The following WDFY2 variants were observed in gnomAD, a reference collection of about 807,000 sequenced individuals.
WDFY2 encodes WD repeat and FYVE domain containing 2.
WDFY2 carries 36 observed loss-of-function variants against 56.4 expected under a neutral mutation model. That is an observed-to-expected ratio of 0.64 (90% confidence interval 0.49 to 0.84). The LOEUF (loss-of-function observed/expected upper bound fraction) is 0.84. WDFY2 is among the 40% of genes least tolerant of loss of function. The pLI is 0.00. For synonymous variants in WDFY2, 176 were observed against 183.7 expected (o/e 0.96, Z 0.34); for missense variants, 444 against 512.2 (o/e 0.87, Z 1.29).
chr13:51,685,015 A>G (rs139784207), intron 3 of WDFY2, among the ~76,000 whole-genome samples: 13 of 152,270 alleles, frequency 8.5e-5, no homozygotes, highest in African/African-American at 3.1e-4. Context: ...CACCTGTCAC[A>G]ACTTTCCCAC....
chr13:51,729,998 C>T (rs934414733), intron 6 of WDFY2, among the ~76,000 whole-genome samples: 7 of 152,146 alleles, frequency 4.6e-5, no homozygotes, highest in African/African-American at 9.7e-5. Context: ...CCTCGGCCCC[C>T]CAGTCCCTGG....
At position 51,751,417 on chromosome 13, in the gene WDFY2, T is replaced by C. The variant is rs78760921; in HGVS notation, c.831+2T>C. The C allele has an allele frequency of 1.2e-6, 2 of 1,613,484 alleles. No homozygotes were observed. On this transcript the variant is annotated splice_donor_variant, in intron 8 of 11. Coordinates refer to ENST00000298125, the MANE Select transcript of WDFY2 (RefSeq NM_052950.4). LOFTEE classifies it high-confidence loss of function. Reference sequence around the variant, plus strand: ...AACATGGACGTGGAGAGGCAGGAGGTAGGTGGCACAGCAGGGTGGGGTGGG... The same window carrying C: ...AACATGGACGTGGAGAGGCAGGAGGCAGGTGGCACAGCAGGGTGGGGTGGG...
chr13:51,751,286 A>AATATAT, intron 7 of WDFY2, 24 bp from the exon 8 acceptor site: 1 of 1,608,944 alleles, frequency 6.2e-7, no homozygotes, highest in Non-Finnish European at 8.5e-7. Flanking sequence ...CTAAACTGTC[A>AATATAT]ATAACCCTTG....
chr13:51,730,945 A>G (rs1317453105), intron 6 of WDFY2, among the ~76,000 whole-genome samples: 1 of 152,228 alleles, frequency 6.6e-6, no homozygotes, highest in East Asian at 1.9e-4. Flanking sequence ...CATGCTGGGC[A>G]TATCCAGTGG....
At chr13:51,725,238 C>T (rs1952579071) in intron 5 of WDFY2, among the ~76,000 whole-genome samples, 1 of 152,122 alleles carries the variant, frequency 6.6e-6, no homozygotes, top group Non-Finnish European at 1.5e-5. Context: ...AAATAATGAG[C>T]AATACTAAAT....
rs1953775777 is a variant in WDFY2 at position 51,767,141 on chromosome 13, A to G, written c.*7372A>G. The G allele has an allele frequency of 6.6e-6, 1 of 152,242 alleles. No individual in the cohort carries two copies. The highest frequency in any genetic ancestry group is 2.1e-4 in the South Asian group (1 of 4,834). 9.4% of individuals were successfully genotyped at this position (152,242 alleles called of 1,614,324 possible). The stretch of plus-strand genomic sequence containing the variant: ...AAAACTTGTGAGGTTCATTTTATGG[A>G]GAAGAAAAATAGGTGCAAAGGCACC... On this transcript the variant is annotated 3_prime_UTR_variant, in exon 12 of 12. Coordinates refer to ENST00000298125, the MANE Select transcript of WDFY2 (RefSeq NM_052950.4).
chr13:51,722,795 G>A (rs1053688214), intron 5 of WDFY2, among the ~76,000 whole-genome samples: 11 of 152,162 alleles, frequency 7.2e-5, no homozygotes, highest in African/African-American at 2.4e-4. Context: ...AAGACCCCAT[G>A]GCAGGTAGAT....
chr13:51,756,196 T>C (rs1953375011), intron 9 of WDFY2, 136 bp from the exon 10 acceptor site: 21 of 1,287,962 alleles, frequency 1.6e-5, no homozygotes. Context: ...GTGTTCCCTT[T>C]AGTTCTGGGG....
chr13:51,695,813 A>C (rs1331463968), intron 3 of WDFY2, among the ~76,000 whole-genome samples: 1 of 152,096 alleles, frequency 6.6e-6, no homozygotes, highest in African/African-American at 2.4e-5. Flanking sequence ...GGCCTCCTTG[A>C]GCTGTGGTGG....
intron 2 of WDFY2, among the ~76,000 whole-genome samples, chr13:51,663,898 A>G (rs1278653150): frequency 1.3e-5 from 2 of 152,228 alleles, no homozygotes; most frequent in African/African-American, 4.8e-5. Context: ...TTCCAAGTAC[A>G]GAAGAAAATA....
intron 1 of WDFY2, among the ~76,000 whole-genome samples, chr13:51,629,641 A>T (rs1954912109): frequency 6.6e-6 from 1 of 152,156 alleles, no homozygotes; most frequent in Admixed American, 6.5e-5. Flanking sequence ...TTTATACAAA[A>T]CTACTGTGTG....
At chr13:51,697,505 T>C (rs1166124497) in intron 3 of WDFY2, among the ~76,000 whole-genome samples, 2 of 151,880 alleles carry the variant, frequency 1.3e-5, no homozygotes, top group African/African-American at 4.8e-5. Context: ...TGGTGGCTTG[T>C]GCCTGTAGTC....
At chr13:51,717,571 G>C (rs1450583720) in intron 4 of WDFY2, among the ~76,000 whole-genome samples, 2 of 151,942 alleles carry the variant, frequency 1.3e-5, no homozygotes, top group South Asian at 2.1e-4. Flanking sequence ...AGAGGGGTGA[G>C]GTGTTAGGGG....
intron 4 of WDFY2, among the ~76,000 whole-genome samples, chr13:51,716,942 T>C (rs532536961): frequency 2.6e-5 from 4 of 152,292 alleles, no homozygotes; most frequent in East Asian, 1.9e-4. Context: ...CATGTTATTA[T>C]ATTAATTAAT....
At chr13:51,617,327 C>T (rs1402571587) in intron 1 of WDFY2, among the ~76,000 whole-genome samples, 3 of 151,654 alleles carry the variant, frequency 2.0e-5, no homozygotes, top group Admixed American at 2.0e-4. Context: ...ATATGAAGTC[C>T]AAGTACAGAA....
At chr13:51,658,439 G>A (rs1955551646) in intron 1 of WDFY2, among the ~76,000 whole-genome samples, 1 of 152,182 alleles carries the variant, frequency 6.6e-6, no homozygotes, top group Non-Finnish European at 1.5e-5. Context: ...AACTGTGGAG[G>A]ACAATGTTCG....
intron 2 of WDFY2, among the ~76,000 whole-genome samples, chr13:51,667,197 C>T (rs1053727544): frequency 6.6e-5 from 10 of 152,078 alleles, no homozygotes; most frequent in Admixed American, 1.3e-4. Context: ...ATACTTAACC[C>T]GGAGTTATTA....
intron 3 of WDFY2, among the ~76,000 whole-genome samples, chr13:51,700,830 G>A (rs1951968731): frequency 6.6e-6 from 1 of 152,148 alleles, no homozygotes; most frequent in South Asian, 2.1e-4. Context: ...AGCCAGGCGT[G>A]GTGGCGCATG....
At chr13:51,680,580 T>C (rs1397221426) in intron 3 of WDFY2, among the ~76,000 whole-genome samples, 2 of 152,216 alleles carry the variant, frequency 1.3e-5, no homozygotes, top group African/African-American at 4.8e-5. Context: ...TCTGGTAATA[T>C]TGTATCTACT....
Sources: gnomAD v4.1 joint callset for allele counts (sites outside exome capture counted in the v4.1 genomes callset) on GRCh38, gnomAD v4.1.1 for gene constraint, MANE v1.5 for transcripts, NCBI Gene and HGNC (gene_info 2026-07-23, HGNC 2026-07-21) for gene names.